Variants in STPG4 observed in about 807,000 individuals in gnomAD.
STPG4 encodes the protein protein STPG4.
Under a neutral mutation model 31.5 loss-of-function variants are expected in STPG4, and 41 were observed. The observed-to-expected ratio is 1.30, with a 90% CI of 1.01 to 1.69. STPG4 has a LOEUF of 1.69. Ranked by LOEUF, STPG4 falls within the 40% of genes most tolerant of loss-of-function variation. STPG4 has a pLI of 0.00. For missense variants in STPG4, 375 were observed against 293.4 expected, an observed-to-expected ratio of 1.28 and a Z score of -2.03; for synonymous variants, 141 against 103.0, an observed-to-expected ratio of 1.37 and a Z score of -2.24.
chr2:47,138,384 T>C (rs951446574), intron 3 of STPG4, among the ~76,000 whole-genome samples: 7 of 151,982 alleles, frequency 4.6e-5, no homozygotes, highest in Non-Finnish European at 8.8e-5. Flanking sequence ...TTCCTTTAAA[T>C]TTGTTAAGGT....
rs866795683 is a variant in STPG4 at position 47,145,994 on chromosome 2, T to C, written c.399+5264A>G. On this transcript the variant is annotated intron_variant, in intron 3 of 6. Coordinates refer to ENST00000445927, the MANE Select transcript of STPG4 (RefSeq NM_001163561.2). The stretch of plus-strand genomic sequence containing the variant: ...AAGGATAGAGAGTAGGCCATCCAGA[T>C]ATCTTGGATAAGAGTATCCCAGAAA... Among the ~76,000 whole-genome samples, 24 of 152,302 alleles carry C rather than the reference T, an allele frequency of 1.6e-4. 1 individual carries two copies. The highest frequency in any genetic ancestry group is 3.4e-3 in the Middle Eastern group (1 of 294).
At chr2:47,100,314 G>A (rs1297778893) in intron 5 of STPG4, among the ~76,000 whole-genome samples, 1 of 150,912 alleles carries the variant, frequency 6.6e-6, no homozygotes, top group Non-Finnish European at 1.5e-5. Context: ...CCTGTGTCTA[G>A]CTCAGGGTTT....
intron 3 of STPG4, among the ~76,000 whole-genome samples, chr2:47,140,319 TG>T (rs1337761380): frequency 6.6e-6 from 1 of 152,140 alleles, no homozygotes; most frequent in African/African-American, 2.4e-5. Context: ...TATTTCAAAA[TG>T]GTTCCTTTTC....
chr2:47,116,281 A>G (rs1686151409), intron 5 of STPG4, among the ~76,000 whole-genome samples: 2 of 152,230 alleles, frequency 1.3e-5, no homozygotes, highest in Admixed American at 1.3e-4. Context: ...TCTAAGGAAT[A>G]GAAGGATATT....
intron 3 of STPG4, among the ~76,000 whole-genome samples, chr2:47,150,438 C>T (rs1206257286): frequency 6.6e-6 from 1 of 152,154 alleles, no homozygotes; most frequent in East Asian, 1.9e-4. Flanking sequence ...ATCAATGCTA[C>T]AAATGAACTG....
At chr2:47,115,652 C>CTTTTTTTTTTT (rs70940657) in intron 5 of STPG4, among the ~76,000 whole-genome samples, 1 of 113,316 alleles carries the variant, frequency 8.8e-6, no homozygotes, top group African/African-American at 3.4e-5. Context: ...ACATTAAAGG[C>CTTTTTTTTTTT]TTTTTTTTTT....
intron 5 of STPG4, among the ~76,000 whole-genome samples, chr2:47,091,252 C>G (rs1245576014): frequency 1.3e-5 from 2 of 152,162 alleles, no homozygotes; most frequent in African/African-American, 4.8e-5. Context: ...CTGGCAGAAG[C>G]ATAAATTCGC....
intron 5 of STPG4, among the ~76,000 whole-genome samples, chr2:47,105,240 C>G (rs969595590): frequency 1.3e-5 from 2 of 151,886 alleles, no homozygotes; most frequent in African/African-American, 4.9e-5. Context: ...CGGTGGCATA[C>G]CTAAGTAAGG....
intron 5 of STPG4, among the ~76,000 whole-genome samples, chr2:47,098,424 G>C (rs1356266811): frequency 6.6e-6 from 1 of 152,196 alleles, no homozygotes; most frequent in African/African-American, 2.4e-5. Flanking sequence ...CAGTGATTTA[G>C]CGTTTCAGCT....
At chr2:47,093,097 C>A (rs533897522) in intron 5 of STPG4, among the ~76,000 whole-genome samples, 1 of 152,320 alleles carries the variant, frequency 6.6e-6, no homozygotes, top group East Asian at 1.9e-4. Context: ...GGCCCTTCCA[C>A]AGGATTTAAA....
intron 5 of STPG4, among the ~76,000 whole-genome samples, chr2:47,118,304 G>A (rs1456524929): frequency 6.6e-6 from 1 of 152,148 alleles, no homozygotes; most frequent in East Asian, 1.9e-4. Context: ...ACATGCAAGG[G>A]ATCTAGGTTG....
chr2:47,155,206 C>CTT lies in STPG4; in HGVS notation c.44_45dup (p.Asp16LysfsTer30), dbSNP rs1171345115. 5.0e-6 allele frequency: 8 copies of CTT among 1,614,192 alleles called. No individual in the cohort carries two copies. Among genetic ancestry groups the CTT allele is most frequent in the Non-Finnish European group, 6.8e-6 (8 of 1,180,038 alleles). ...ATGAATGATTCTCCACCCACCAGGT[C>CTT]TTCCCTTATTGAGGTGGAAGCGGTG... On this transcript the variant is annotated frameshift_variant, in exon 1 of 7. Transcript: ENST00000445927. LOFTEE classifies it high-confidence loss of function.
Position 47,130,207 on chromosome 2 carries a change from T to C in STPG4, c.453A>G (p.Lys151=), listed in dbSNP as rs1267073599. 6.2e-7 allele frequency: 1 copy of C among 1,613,740 alleles called. No individual in the cohort carries two copies. The highest frequency in any genetic ancestry group is 1.1e-5 in the South Asian group (1 of 91,066). ...AAGTATATAATTACCTGGAAGCATA[T>C]TTGGGAACTGGTGCAGGAAGCACGT... ...QYNVLPAPVP[K]YASRSCVFRS... The change falls in exon 4 of 7, where the codon AAA becomes AAG. Residue 151 remains lysine (K), a synonymous_variant. Transcript: ENST00000445927.
chr2:47,093,079 C>T (rs190980294), intron 5 of STPG4, among the ~76,000 whole-genome samples: 1 of 152,210 alleles, frequency 6.6e-6, no homozygotes. Context: ...GTGTGAGACA[C>T]CGCACCCGGC....
chr2:47,147,373 T>C (rs1160992384), intron 3 of STPG4, among the ~76,000 whole-genome samples: 2 of 152,132 alleles, frequency 1.3e-5, no homozygotes, highest in Non-Finnish European at 1.5e-5. Flanking sequence ...GGAATAACTA[T>C]AATGATTAAC....
chr2:47,127,609 A>C (rs913851390), intron 5 of STPG4, among the ~76,000 whole-genome samples: 1 of 152,090 alleles, frequency 6.6e-6, no homozygotes, highest in Non-Finnish European at 1.5e-5. Flanking sequence ...CAGTTCTGCT[A>C]TTGGGAGACT....
chr2:47,089,321 G>C (rs1477318494), intron 6 of STPG4, among the ~76,000 whole-genome samples: 1 of 152,168 alleles, frequency 6.6e-6, no homozygotes, highest in East Asian at 1.9e-4. Context: ...TATCACTCTA[G>C]ATAAAGGCTG....
intron 4 of STPG4, 98 bp downstream of exon 4, chr2:47,130,098 T>C: frequency 1.4e-6 from 2 of 1,475,296 alleles, no homozygotes; most frequent in South Asian, 2.4e-5. Context: ...AAAATGTTAA[T>C]TTGCATATGA....
intron 5 of STPG4, chr2:47,129,499 C>G (rs1686429799): frequency 6.1e-6 from 1 of 165,036 alleles, no homozygotes; most frequent in African/African-American, 2.4e-5. Context: ...TAGTGCTGGT[C>G]TAAATGCTCC....
Sources: allele counts gnomAD v4.1 joint callset (sites outside exome capture counted in the v4.1 genomes callset), GRCh38; gene constraint gnomAD v4.1.1; transcripts MANE v1.5; gene names NCBI Gene and HGNC (gene_info 2026-07-23, HGNC 2026-07-21).